The following PSKH1 variants were observed in gnomAD, a reference collection of about 807,000 sequenced individuals.
PSKH1 encodes the protein serine/threonine-protein kinase H1.
In PSKH1, 12 loss-of-function variants were observed where a neutral mutation model predicts 26.7. The observed-to-expected ratio is 0.45, with a 90% confidence interval of 0.29 to 0.73. PSKH1 has a LOEUF of 0.73. Ranked by LOEUF, PSKH1 falls within the 30% of genes least tolerant of loss-of-function variation. PSKH1 has a pLI of 0.11. For missense variants in PSKH1, 431 were observed against 595.2 expected (o/e 0.72, Z 2.87); for synonymous variants, 213 against 234.3 (o/e 0.91, Z 0.83).
intron 2 of PSKH1, among the ~76,000 whole-genome samples, chr16:67,925,135 G>A (rs962580987): frequency 2.0e-5 from 3 of 151,786 alleles, no homozygotes; most frequent in Non-Finnish European, 4.4e-5. Context: ...TGATCCAAAA[G>A]CTATTGTGGC....
In PSKH1 at chr16:67,909,857, T is replaced by C. The variant is rs929287294; in HGVS notation, c.957+151T>C. ...AAGGGACAAAGTGAGACTATCAGAA[T>C]GTAGTTTGGGTTCCCTCAAGGTGAG... On this transcript the variant is annotated intron_variant, in intron 2 of 2. Transcript: ENST00000291041. The surrounding 1 kb of genome is among the most constrained non-coding windows in gnomAD (Gnocchi z 7.8). 2.3e-5 allele frequency: 17 copies of C among 731,684 alleles called. No homozygotes were observed. Among genetic ancestry groups the C allele is most frequent in the Non-Finnish European group, 3.6e-5 (16 of 450,672 alleles). 45.3% of individuals were successfully genotyped at this position (731,684 alleles called of 1,614,324 possible).
At chr16:67,925,844 G>C (rs1419892021) in intron 2 of PSKH1, among the ~76,000 whole-genome samples, 1 of 152,136 alleles carries the variant, frequency 6.6e-6, no homozygotes, top group Non-Finnish European at 1.5e-5. Flanking sequence ...GTGGAAGCGT[G>C]TTCTCCCTGC....
chr16:67,929,036 T>C lies in PSKH1; in HGVS notation c.*1394T>C, dbSNP rs2058228768. The C allele has an allele frequency of 6.5e-6, 1 of 152,672 alleles. No homozygotes were observed. The highest frequency in any genetic ancestry group is 1.5e-5 in the Non-Finnish European group (1 of 68,138). 9.5% of individuals were successfully genotyped at this position (152,672 alleles called of 1,614,324 possible). ...GAGCCCCTGCGGGAGGTGGGTGGGG[T>C]TGGGTGGCTGCTTTCCCAGAGGCCT... is the stretch of plus-strand genomic sequence containing the variant. On this transcript the variant is annotated 3_prime_UTR_variant, in exon 3 of 3. Coordinates refer to ENST00000291041, the MANE Select transcript of PSKH1 (RefSeq NM_006742.3).
chr16:67,895,284 C>T (rs1340254958), intron 1 of PSKH1, among the ~76,000 whole-genome samples: 2 of 151,422 alleles, frequency 1.3e-5, no homozygotes, highest in Non-Finnish European at 2.9e-5. Flanking sequence ...AGGCTGGTGT[C>T]GAACTCCTGG....
rs920718186 is a variant in PSKH1 at position 67,896,675 on chromosome 16, G to T, written c.-71+3304G>T. 2.0e-5 allele frequency among the ~76,000 whole-genome samples: 3 copies of T among 151,056 alleles called. No homozygotes were observed. In the Admixed American group the frequency reaches 2.0e-4, roughly 10 times the overall value. ...CTCCTGCCTCAGCCTCCCGCAATATGGTGCCTCTAAATCAGGGTCGATTCA... is the reference window on the plus strand; with the variant it reads ...CTCCTGCCTCAGCCTCCCGCAATATTGTGCCTCTAAATCAGGGTCGATTCA... On this transcript the variant is annotated intron_variant, in intron 1 of 2. Transcript: ENST00000291041.
chr16:67,895,263 C>A (rs2058123047), intron 1 of PSKH1, among the ~76,000 whole-genome samples: 1 of 151,630 alleles, frequency 6.6e-6, no homozygotes, highest in African/African-American at 2.4e-5. Context: ...CGAGGTCTCG[C>A]CATGTTGCCG....
chr16:67,896,822 G>C (rs2058127924), intron 1 of PSKH1, among the ~76,000 whole-genome samples: 1 of 152,172 alleles, frequency 6.6e-6, no homozygotes. Context: ...AAATGAGCTA[G>C]AAAAAGTGCA....
At chr16:67,920,870 G>C (rs2058200530) in intron 2 of PSKH1, among the ~76,000 whole-genome samples, 1 of 152,028 alleles carries the variant, frequency 6.6e-6, no homozygotes, top group Non-Finnish European at 1.5e-5. Context: ...ATCCCATATT[G>C]ACCTACCACT....
At chr16:67,912,074 C>G (rs2151312962) in intron 2 of PSKH1, among the ~76,000 whole-genome samples, 1 of 152,268 alleles carries the variant, frequency 6.6e-6, no homozygotes, top group South Asian at 2.1e-4. Flanking sequence ...GAGTGGTCAG[C>G]CTTGTGGAGA....
At chr16:67,925,708 T>C (rs1405275284) in intron 2 of PSKH1, among the ~76,000 whole-genome samples, 1 of 152,086 alleles carries the variant, frequency 6.6e-6, no homozygotes, top group Non-Finnish European at 1.5e-5. Flanking sequence ...AGGATGACCC[T>C]GTTAGGTGTG....
chr16:67,907,335 A>T (rs75628662), intron 1 of PSKH1, among the ~76,000 whole-genome samples: 1 of 149,848 alleles, frequency 6.7e-6, no homozygotes, highest in Admixed American at 6.7e-5. Flanking sequence ...GTGTCAGCTC[A>T]CAGCAACCTC....
intron 1 of PSKH1, among the ~76,000 whole-genome samples, chr16:67,896,508 TC>T (rs2151309601): frequency 6.6e-6 from 1 of 151,200 alleles, no homozygotes; most frequent in African/African-American, 2.4e-5. Context: ...TTTCTGGTCA[TC>T]GGGGAAAACT....
chr16:67,908,483 G>T lies in PSKH1; in HGVS notation c.-70-197G>T, dbSNP rs976562491. ...TGGGTTTTCACCATGTTGGCCAGCT[G>T]GTCTTGAACTCCTGACCTCAGGTAA... On this transcript the variant is annotated intron_variant, in intron 1 of 2. Transcript: ENST00000291041. Among the ~76,000 whole-genome samples the T allele has an allele frequency of 2.6e-5, 4 of 152,282 alleles. No individual in the cohort carries two copies. The South Asian group carries it at 8.3e-4, about 32-fold the overall frequency.
chr16:67,921,468 G>C (rs1056138179), intron 2 of PSKH1, among the ~76,000 whole-genome samples: 6 of 151,954 alleles, frequency 3.9e-5, no homozygotes, highest in African/African-American at 1.2e-4. Flanking sequence ...CCATCTACTT[G>C]GGAGGCCGAG....
At chr16:67,920,872 C>G (rs2058200539) in intron 2 of PSKH1, among the ~76,000 whole-genome samples, 1 of 152,138 alleles carries the variant, frequency 6.6e-6, no homozygotes, top group Non-Finnish European at 1.5e-5. Context: ...CCCATATTGA[C>G]CTACCACTGG....
chr16:67,915,783 G>C (rs896685873), intron 2 of PSKH1, among the ~76,000 whole-genome samples: 2 of 152,170 alleles, frequency 1.3e-5, no homozygotes, highest in Non-Finnish European at 2.9e-5. Context: ...TGCTTTTATA[G>C]CTCTATCCCA....
At chr16:67,903,393 C>A (rs980652410) in intron 1 of PSKH1, among the ~76,000 whole-genome samples, 12 of 152,132 alleles carry the variant, frequency 7.9e-5, no homozygotes, top group Admixed American at 7.9e-4. Context: ...CTCAAGTAGT[C>A]CTCACGCCTT....
chr16:67,896,563 A>T (rs1489917479), intron 1 of PSKH1, among the ~76,000 whole-genome samples: 1 of 96,690 alleles, frequency 1.0e-5, no homozygotes, highest in African/African-American at 4.9e-5. Flanking sequence ...TTTTTTTGAG[A>T]CGGAGTTTTG....
At chr16:67,918,153 C>T (rs1488106403) in intron 2 of PSKH1, among the ~76,000 whole-genome samples, 2 of 152,196 alleles carry the variant, frequency 1.3e-5, no homozygotes, top group African/African-American at 4.8e-5. Context: ...ATTCACTTGA[C>T]ATGAAATGTG....
Sources: gnomAD v4.1 joint callset for allele counts (sites outside exome capture counted in the v4.1 genomes callset) on GRCh38, gnomAD v4.1.1 for gene constraint, Gnocchi (gnomAD v3.1) non-coding constraint, MANE v1.5 for transcripts, NCBI Gene and HGNC (gene_info 2026-07-23, HGNC 2026-07-21) for gene names.